Variants in PLA2G4A observed in about 807,000 individuals in gnomAD.
The protein encoded by PLA2G4A is phospholipase A2 group IVA, also known as cytosolic phospholipase A2.
Under a neutral mutation model 81.9 loss-of-function variants are expected in PLA2G4A, and 40 were observed. The observed-to-expected ratio is 0.49, with a 90% CI of 0.38 to 0.64. PLA2G4A has a LOEUF of 0.64. PLA2G4A is among the 30% of genes least tolerant of loss of function. PLA2G4A has a pLI of 0.00. For missense variants in PLA2G4A, 715 were observed against 905.1 expected, an observed-to-expected ratio of 0.79 and a Z score of 2.69; for synonymous variants, 302 against 296.9, an observed-to-expected ratio of 1.02 and a Z score of -0.18.
chr1:186,917,323 G>C (rs1558435381), intron 7 of PLA2G4A, among the ~76,000 whole-genome samples: 1 of 152,150 alleles, frequency 6.6e-6, no homozygotes, highest in Non-Finnish European at 1.5e-5. Context: ...TAACTCTTGG[G>C]AAGTGCCTGG....
intron 6 of PLA2G4A, among the ~76,000 whole-genome samples, chr1:186,910,754 AG>A (rs970100385): frequency 2.6e-5 from 4 of 152,256 alleles, no homozygotes; most frequent in Admixed American, 6.5e-5. Context: ...TCTTTGTTAG[AG>A]GGGGGCATCC....
intron 15 of PLA2G4A, among the ~76,000 whole-genome samples, chr1:186,967,133 T>C (rs184504027): frequency 6.1e-4 from 93 of 152,286 alleles, no homozygotes; most frequent in African/African-American, 2.2e-3. Context: ...GCATATCTGT[T>C]TTTTTCTCTA....
In PLA2G4A at chr1:186,979,429, G is replaced by A. The variant is rs1389513744; in HGVS notation, c.2075G>A (p.Arg692Lys). The change falls in exon 17 of 18, where the codon AGA becomes AAA. Residue 692 changes from arginine to lysine, a missense_variant. By Grantham distance (26) the Arg-to-Lys change is conservative. Transcript: ENST00000367466. ...CAATATCCAAATCAAGCATTCAAAAGACTACATGATCTTATGCACTTCAAT... is the reference window on the plus strand; with the variant it reads ...CAATATCCAAATCAAGCATTCAAAAAACTACATGATCTTATGCACTTCAAT... ...NFQYPNQAFK[R>K]LHDLMHFNTL... The A allele has an allele frequency of 3.1e-6, 5 of 1,602,934 alleles. No individual in the cohort carries two copies. In the Admixed American group the frequency reaches 8.3e-5, roughly 27 times the overall value.
At chr1:186,856,137 C>T (rs1652542873) in intron 2 of PLA2G4A, among the ~76,000 whole-genome samples, 1 of 151,872 alleles carries the variant, frequency 6.6e-6, no homozygotes, top group Non-Finnish European at 1.5e-5. Context: ...TTGGTTGGGA[C>T]TGTAATGATT....
chr1:186,949,923 C>G (rs556845468), intron 12 of PLA2G4A, among the ~76,000 whole-genome samples: 1 of 152,144 alleles, frequency 6.6e-6, no homozygotes, highest in African/African-American at 2.4e-5. Context: ...ATAATCCCAG[C>G]TACTCAGGAG....
chr1:186,848,298 A>G (rs1652257305), intron 1 of PLA2G4A, among the ~76,000 whole-genome samples: 1 of 152,146 alleles, frequency 6.6e-6, no homozygotes, highest in Admixed American at 6.6e-5. Context: ...CTGAAGTAAT[A>G]TTTTTCTTGC....
intron 17 of PLA2G4A, among the ~76,000 whole-genome samples, chr1:186,981,604 A>G (rs1297201828): frequency 6.6e-6 from 1 of 152,224 alleles, no homozygotes; most frequent in Non-Finnish European, 1.5e-5. Flanking sequence ...ACCATTTTTA[A>G]GTGTACAGTT....
intron 1 of PLA2G4A, among the ~76,000 whole-genome samples, chr1:186,852,581 A>G (rs1196629064): frequency 6.6e-6 from 1 of 152,012 alleles, no homozygotes. Flanking sequence ...GCCATTGTCC[A>G]GAGGAGATGA....
intron 3 of PLA2G4A, 108 bp downstream of exon 3, chr1:186,870,624 T>A: frequency 8.4e-7 from 1 of 1,184,466 alleles, no homozygotes; most frequent in African/African-American, 1.5e-5. Flanking sequence ...AATGTGGTTA[T>A]GTTTGTCTAG....
At chr1:186,829,187 CT>C (rs1479174116) in intron 1 of PLA2G4A, among the ~76,000 whole-genome samples, 152 bp downstream of exon 1, 2 of 152,198 alleles carry the variant, frequency 1.3e-5, no homozygotes, top group Admixed American at 1.3e-4. Flanking sequence ...TGTCCTCTGC[CT>C]TTTGAAGTGA....
chr1:186,975,441 G>A (rs767104021), intron 15 of PLA2G4A, among the ~76,000 whole-genome samples: 4 of 152,124 alleles, frequency 2.6e-5, no homozygotes, highest in Admixed American at 6.5e-5. Flanking sequence ...AAAGTTCAAT[G>A]AAAAGTGTAT....
chr1:186,880,755 T>A (rs1364142804), intron 3 of PLA2G4A, among the ~76,000 whole-genome samples: 1 of 152,068 alleles, frequency 6.6e-6, no homozygotes, highest in Non-Finnish European at 1.5e-5. Flanking sequence ...GGAGAATTAC[T>A]CTTTCTATTC....
chr1:186,933,342 A>G (rs1371640725), intron 8 of PLA2G4A, among the ~76,000 whole-genome samples: 4 of 152,170 alleles, frequency 2.6e-5, no homozygotes, highest in Non-Finnish European at 5.9e-5. Context: ...ATACCATAGT[A>G]TACAGAACAA....
chr1:186,887,092 AAC>A (rs1024298621), intron 3 of PLA2G4A, among the ~76,000 whole-genome samples: 2 of 152,168 alleles, frequency 1.3e-5, no homozygotes, highest in African/African-American at 4.8e-5. Context: ...CATTTGGGGA[AAC>A]ACTGTTTTAA....
At chr1:186,862,529 G>A (rs374738757) in intron 2 of PLA2G4A, among the ~76,000 whole-genome samples, 1 of 152,116 alleles carries the variant, frequency 6.6e-6, no homozygotes, top group African/African-American at 2.4e-5. Context: ...TTTATTTGTT[G>A]CTTAATGAAA....
intron 3 of PLA2G4A, among the ~76,000 whole-genome samples, chr1:186,890,567 C>T (rs1276169790): frequency 6.6e-6 from 1 of 151,936 alleles, no homozygotes; most frequent in Non-Finnish European, 1.5e-5. Context: ...TAGAAAAAAC[C>T]GTTACTGGCC....
rs1385899709 is a variant in PLA2G4A at position 186,853,975 on chromosome 1, A to G, written c.-69-311A>G. ...TATAAACAGTACAAAAATAATTTTAAGTTTCCGTAATTTCAACATATTTCT... is the reference window on the plus strand; with the variant it reads ...TATAAACAGTACAAAAATAATTTTAGGTTTCCGTAATTTCAACATATTTCT... On this transcript the variant is annotated intron_variant, in intron 1 of 17. Transcript: ENST00000367466. Among the ~76,000 whole-genome samples the G allele has an allele frequency of 5.3e-5, 8 of 152,008 alleles. No homozygotes were observed. In the East Asian group the frequency reaches 1.5e-3, roughly 29 times the overall value.
Position 186,894,223 on chromosome 1 carries a change from T to G in PLA2G4A, c.378+12T>G. ...TTATTTTCAACCAAGTAAGTAACAC[T>G]GCAGAATTATATTCCAACCTTATGT... On this transcript the variant is annotated intron_variant, in intron 5 of 17. Transcript: ENST00000367466. 1.1e-6 allele frequency: 1 copy of G among 906,904 alleles called. No homozygotes were observed. The highest frequency in any genetic ancestry group is 1.9e-6 in the Non-Finnish European group (1 of 537,004). The allele number at this position is 906,904 out of a possible 1,614,324, so 56.2% of individuals were successfully genotyped here.
intron 15 of PLA2G4A, among the ~76,000 whole-genome samples, chr1:186,972,117 G>A (rs1657376667): frequency 6.6e-6 from 1 of 152,106 alleles, no homozygotes. Flanking sequence ...TGTTGTATCT[G>A]TGTTGTAACT....
Sources: allele counts gnomAD v4.1 joint callset (sites outside exome capture counted in the v4.1 genomes callset), GRCh38; gene constraint gnomAD v4.1.1; transcripts MANE v1.5; gene names NCBI Gene and HGNC (gene_info 2026-07-23, HGNC 2026-07-21).